SDK1: variants seen among roughly 807,000 people sequenced by gnomAD.
SDK1 encodes the protein protein sidekick-1.
Under a neutral mutation model 245.5 loss-of-function variants are expected in SDK1, and 157 were observed. That is an observed-to-expected ratio of 0.64 (90% CI 0.56 to 0.73). The LOEUF is 0.73. SDK1 is among the 30% of genes least tolerant of loss of function. The pLI is 0.00. For missense variants in SDK1, 3,583 were observed against 3,002.3 expected, an observed-to-expected ratio of 1.19 and a Z score of -4.52; for synonymous variants, 1,647 against 1,278.5, an observed-to-expected ratio of 1.29 and a Z score of -6.15.
At chr7:3,742,076 G>T (rs911942717) in intron 4 of SDK1, among the ~76,000 whole-genome samples, 2 of 148,680 alleles carry the variant, frequency 1.3e-5, no homozygotes, top group Non-Finnish European at 3.0e-5. Context: ...GCACAAATTT[G>T]GGGGGGGAGC....
At chr7:3,482,665 C>G (rs941414235) in intron 1 of SDK1, among the ~76,000 whole-genome samples, 5 of 152,190 alleles carry the variant, frequency 3.3e-5, no homozygotes, top group African/African-American at 1.2e-4. Context: ...AAAACAACCT[C>G]CAGCAAACAA....
intron 41 of SDK1, among the ~76,000 whole-genome samples, chr7:4,234,427 A>G (rs1786015572): frequency 6.6e-6 from 1 of 152,136 alleles, no homozygotes; most frequent in African/African-American, 2.4e-5. Flanking sequence ...GGCAGGGGTT[A>G]TGACACACAG....
intron 38 of SDK1, among the ~76,000 whole-genome samples, chr7:4,217,934 A>G (rs889362217): frequency 4.6e-5 from 7 of 152,136 alleles, no homozygotes; most frequent in African/African-American, 1.7e-4. Context: ...CAATGAAAAA[A>G]AAAGTTGCTC....
chr7:3,428,346 G>A (rs919361729), intron 1 of SDK1, among the ~76,000 whole-genome samples: 1 of 152,186 alleles, frequency 6.6e-6, no homozygotes, highest in African/African-American at 2.4e-5. Context: ...TGTGGTAACT[G>A]AAATTTATGC....
intron 1 of SDK1, among the ~76,000 whole-genome samples, chr7:3,507,092 C>G (rs541798671): frequency 6.6e-6 from 1 of 152,252 alleles, no homozygotes; most frequent in African/African-American, 2.4e-5. Context: ...TTGTTTAGCC[C>G]TAATCCCGGT....
intron 4 of SDK1, among the ~76,000 whole-genome samples, chr7:3,701,392 TTAATG>T (rs1350449221): frequency 6.6e-6 from 1 of 152,198 alleles, no homozygotes; most frequent in East Asian, 1.9e-4. Flanking sequence ...ATGTATAGGT[TTAATG>T]TAATTCATAT....
intron 1 of SDK1, among the ~76,000 whole-genome samples, chr7:3,317,733 A>G (rs1779699198): frequency 1.3e-5 from 2 of 152,206 alleles, no homozygotes; most frequent in Admixed American, 1.3e-4. Context: ...CATTGTTGAC[A>G]GGCACTGTTA....
At chr7:3,799,840 T>G (rs1346784263) in intron 4 of SDK1, among the ~76,000 whole-genome samples, 1 of 152,180 alleles carries the variant, frequency 6.6e-6, no homozygotes, top group African/African-American at 2.4e-5. Context: ...GATTTGTATG[T>G]CTAAATTTGA....
At chr7:4,011,152 C>T (rs541962031) in intron 15 of SDK1, 39 bp downstream of exon 15, 60 of 1,604,964 alleles carry the variant, frequency 3.7e-5, no homozygotes, top group Non-Finnish European at 4.4e-5. Context: ...GTGGAACAGC[C>T]GGGGGCCTGA....
chr7:3,970,300 A>G (rs1032644791), intron 11 of SDK1, among the ~76,000 whole-genome samples: 3 of 152,210 alleles, frequency 2.0e-5, no homozygotes, highest in East Asian at 1.9e-4. Flanking sequence ...AGCATTTTCT[A>G]TCATATGGTT....
intron 1 of SDK1, among the ~76,000 whole-genome samples, chr7:3,325,185 A>G (rs1024349687): frequency 7.2e-5 from 11 of 152,024 alleles, no homozygotes; most frequent in African/African-American, 2.7e-4. Context: ...GAGATTTGAG[A>G]TCTTACAACC....
intron 5 of SDK1, among the ~76,000 whole-genome samples, chr7:3,904,360 G>A (rs112204553): frequency 0.016 from 2,403 of 152,176 alleles, 78 homozygotes; most frequent in African/African-American, 0.055. Context: ...CTGGAACTAG[G>A]AAGTGCTACA....
intron 4 of SDK1, among the ~76,000 whole-genome samples, chr7:3,758,043 A>G (rs559139278): frequency 1.4e-4 from 21 of 152,250 alleles, no homozygotes; most frequent in Non-Finnish European, 2.8e-4. Flanking sequence ...TTCTCATTAT[A>G]CCACAGTTCC....
At chr7:4,214,906 C>T (rs958718721) in intron 38 of SDK1, among the ~76,000 whole-genome samples, 2 of 152,248 alleles carry the variant, frequency 1.3e-5, no homozygotes, top group African/African-American at 4.8e-5. Context: ...CGGCTCCAGC[C>T]GGGATGAGCC....
intron 44 of SDK1, among the ~76,000 whole-genome samples, chr7:4,261,125 G>A (rs932649990): frequency 6.6e-6 from 1 of 152,140 alleles, no homozygotes; most frequent in East Asian, 1.9e-4. Flanking sequence ...TCCCTGCTAC[G>A]CCTCCATGGG....
rs1016810295 is a variant in SDK1 at position 3,536,154 on chromosome 7, C to T, written c.299-82926C>T. The stretch of plus-strand genomic sequence containing the variant: ...TCACTGCAAGCTCCGCCTCCTGGGT[C>T]CACACCATTCTCCAGCCTGAGCCTC... On this transcript the variant is annotated intron_variant, in intron 1 of 44. Transcript: ENST00000404826. Among the ~76,000 whole-genome samples the T allele has an allele frequency of 5.1e-4, 78 of 151,744 alleles. 1 individual carries two copies. The highest frequency in any genetic ancestry group is 1.8e-3 in the African/African-American group (74 of 41,384).
At chr7:3,729,759 C>T (rs1312663976) in intron 4 of SDK1, among the ~76,000 whole-genome samples, 2 of 152,024 alleles carry the variant, frequency 1.3e-5, no homozygotes, top group African/African-American at 4.8e-5. Context: ...TGTGTGAACA[C>T]GAAGATCTTT....
chr7:4,146,514 C>T (rs756121497), intron 29 of SDK1, among the ~76,000 whole-genome samples: 36 of 152,252 alleles, frequency 2.4e-4, no homozygotes, highest in Non-Finnish European at 4.4e-4. Context: ...ACACCTTCAG[C>T]CTCACACCTG....
At chr7:3,978,204 G>A (rs972415920) in intron 13 of SDK1, among the ~76,000 whole-genome samples, 1 of 151,976 alleles carries the variant, frequency 6.6e-6, no homozygotes, top group Non-Finnish European at 1.5e-5. Flanking sequence ...TCCATCGTTG[G>A]TATCAAATAA....
Sources: allele counts gnomAD v4.1 joint callset (sites outside exome capture counted in the v4.1 genomes callset), GRCh38; gene constraint gnomAD v4.1.1; transcripts MANE v1.5; gene names NCBI Gene and HGNC (gene_info 2026-07-23, HGNC 2026-07-21).